The following KIFAP3 variants were observed in gnomAD, a reference collection of about 807,000 sequenced individuals.
The protein encoded by KIFAP3 is kinesin associated protein 3.
In KIFAP3, 68 loss-of-function variants were observed where a neutral mutation model predicts 106.5. The observed-to-expected ratio is 0.64, with a 90% CI of 0.53 to 0.78. The LOEUF (loss-of-function observed/expected upper bound fraction) is 0.78, where lower values mean the gene tolerates loss of function less well. KIFAP3 is among the 30% of genes least tolerant of loss of function. The pLI is 0.00. For synonymous variants in KIFAP3, 320 were observed against 311.5 expected (o/e 1.03, Z -0.29); for missense variants, 780 against 941.8 (o/e 0.83, Z 2.25).
intron 19 of KIFAP3, among the ~76,000 whole-genome samples, chr1:169,931,442 T>C (rs1449853742): frequency 1.3e-5 from 2 of 152,182 alleles, no homozygotes; most frequent in Non-Finnish European, 2.9e-5. Flanking sequence ...GAAATGAATA[T>C]TTACTCAAAC....
intron 17 of KIFAP3, among the ~76,000 whole-genome samples, chr1:169,962,563 C>T (rs996561813): frequency 6.6e-6 from 1 of 152,070 alleles, no homozygotes; most frequent in Non-Finnish European, 1.5e-5. Context: ...TAGAGGGATG[C>T]AGGGTAATAG....
intron 19 of KIFAP3, among the ~76,000 whole-genome samples, chr1:169,942,752 G>T (rs1664200104): frequency 1.3e-5 from 2 of 152,174 alleles, no homozygotes; most frequent in Non-Finnish European, 2.9e-5. Context: ...CTTCCTGCAA[G>T]GAAAATTCAC....
intron 15 of KIFAP3, 43 bp downstream of exon 15, chr1:169,981,929 A>C: frequency 6.9e-7 from 1 of 1,453,842 alleles, no homozygotes; most frequent in South Asian, 1.2e-5. Flanking sequence ...TAAATCAATA[A>C]GCTGTTTAGA....
intron 17 of KIFAP3, among the ~76,000 whole-genome samples, chr1:169,964,765 G>T (rs1054907381): frequency 9.2e-5 from 14 of 152,162 alleles, no homozygotes; most frequent in African/African-American, 3.1e-4. Flanking sequence ...ACCTCATTAT[G>T]TAATATAGGC....
chr1:169,926,090 A>G (rs1270347417), intron 19 of KIFAP3, among the ~76,000 whole-genome samples: 1 of 152,158 alleles, frequency 6.6e-6, no homozygotes, highest in East Asian at 1.9e-4. Context: ...TATTCACAAC[A>G]TCCTTGACAG....
chr1:169,943,709 T>C (rs1346209741), intron 19 of KIFAP3, among the ~76,000 whole-genome samples: 1 of 152,054 alleles, frequency 6.6e-6, no homozygotes, highest in Non-Finnish European at 1.5e-5. Context: ...TTAAAGACTT[T>C]CTTTCTTTCC....
chr1:169,973,105 G>GTGTGTGTGTATATATATATATATA (rs145406203), intron 16 of KIFAP3, among the ~76,000 whole-genome samples: 1 of 90,314 alleles, frequency 1.1e-5, no homozygotes, highest in African/African-American at 4.6e-5. Flanking sequence ...AAAATAGTGT[G>GTGTGTGTGTATATATATATATATA]TATATATATA....
At chr1:169,977,917 G>C (rs1666313108) in intron 16 of KIFAP3, among the ~76,000 whole-genome samples, 168 bp downstream of exon 16, 1 of 150,548 alleles carries the variant, frequency 6.6e-6, no homozygotes, top group South Asian at 2.2e-4. Flanking sequence ...CCTATATACT[G>C]ATTTGGGGTC....
intron 1 of KIFAP3, among the ~76,000 whole-genome samples, chr1:170,063,007 T>C (rs1671263840): frequency 6.6e-6 from 1 of 152,132 alleles, no homozygotes. Flanking sequence ...CCTCACATGC[T>C]ACCTGCCTCT....
chr1:170,050,437 G>C (rs1374135552), intron 2 of KIFAP3, among the ~76,000 whole-genome samples: 4 of 152,168 alleles, frequency 2.6e-5, no homozygotes, highest in Non-Finnish European at 5.9e-5. Context: ...TTATCCAGGA[G>C]AGCCTCCCCA....
chr1:169,984,789 C>A, intron 11 of KIFAP3, 99 bp from the exon 12 acceptor site: 1 of 611,514 alleles, frequency 1.6e-6, no homozygotes, highest in Non-Finnish European at 3.0e-6. Context: ...TTAGATTGTA[C>A]ATTGGGCATA....
chr1:169,921,901 G>A, intron 19 of KIFAP3, 120 bp from the exon 20 acceptor site: 1 of 675,198 alleles, frequency 1.5e-6, no homozygotes, highest in East Asian at 2.9e-5. Flanking sequence ...AGTGATTTAG[G>A]TGGATATCAT....
intron 17 of KIFAP3, among the ~76,000 whole-genome samples, chr1:169,963,029 T>A (rs1398129207): frequency 6.6e-6 from 1 of 152,122 alleles, no homozygotes; most frequent in Non-Finnish European, 1.5e-5. Flanking sequence ...GTCATGGGGG[T>A]TTGGTGTACA....
At chr1:169,983,507 T>C in intron 12 of KIFAP3, 125 bp from the exon 13 acceptor site, 1 of 662,042 alleles carries the variant, frequency 1.5e-6, no homozygotes, top group Non-Finnish European at 2.6e-6. Flanking sequence ...GGGTACAATT[T>C]GATTAATTTA....
intron 1 of KIFAP3, among the ~76,000 whole-genome samples, chr1:170,069,144 A>T (rs1389587269): frequency 6.6e-6 from 1 of 152,144 alleles, no homozygotes; most frequent in Non-Finnish European, 1.5e-5. Flanking sequence ...TCCTAGAAAC[A>T]CACAAACTAC....
chr1:170,082,801 C>CA (rs1026148861), intron 1 of KIFAP3, among the ~76,000 whole-genome samples: 1 of 151,898 alleles, frequency 6.6e-6, no homozygotes, highest in African/African-American at 2.4e-5. Flanking sequence ...AGTGAAACCC[C>CA]ATCTCTATCA....
chr1:169,983,191 C>A, intron 13 of KIFAP3, 79 bp downstream of exon 13: 1 of 801,462 alleles, frequency 1.2e-6, no homozygotes, highest in Non-Finnish European at 2.0e-6. Context: ...TTTGACGAGA[C>A]CTCAGTAAGA....
chr1:170,075,051 G>A (rs549482815), upstream of KIFAP3, among the ~76,000 whole-genome samples: 4 of 152,246 alleles, frequency 2.6e-5, no homozygotes, highest in South Asian at 8.3e-4. Flanking sequence ...TGTACAAAAT[G>A]GATATAACTT....
chr1:169,985,530 G>A (rs1666776002), intron 11 of KIFAP3, among the ~76,000 whole-genome samples: 1 of 151,792 alleles, frequency 6.6e-6, no homozygotes, highest in East Asian at 1.9e-4. Flanking sequence ...AGAAACTAGG[G>A]TAGAAAAAAA....
Sources: allele counts gnomAD v4.1 joint callset (sites outside exome capture counted in the v4.1 genomes callset), GRCh38; gene constraint gnomAD v4.1.1; transcripts MANE v1.5; gene names NCBI Gene and HGNC (gene_info 2026-07-23, HGNC 2026-07-21).